The following TCF20 variants were observed in gnomAD, a reference collection of about 807,000 sequenced individuals.
TCF20 encodes the protein transcription factor 20.
A neutral mutation model predicts 148.6 loss-of-function variants in TCF20; 3 were observed. That is an observed-to-expected ratio of 0.02 (90% CI 0.01 to 0.05). The LOEUF is 0.05. Among genes scored for constraint, TCF20 ranks in the 10% least tolerant of loss-of-function variants. The pLI is 1.00. For synonymous variants in TCF20, 1,049 were observed against 909.5 expected (o/e 1.15, Z -2.76); for missense variants, 2,350 against 2,429.3 (o/e 0.97, Z 0.69).
intron 1 of TCF20, among the ~76,000 whole-genome samples, chr22:42,227,172 A>G (rs1197409696): frequency 4.6e-5 from 7 of 152,148 alleles, no homozygotes; most frequent in Non-Finnish European, 5.9e-5. Flanking sequence ...AATCCTAGCT[A>G]CTCGAGTGGC....
chr22:42,230,087 T>C (rs1437064255), intron 1 of TCF20, among the ~76,000 whole-genome samples: 1 of 152,320 alleles, frequency 6.6e-6, no homozygotes, highest in East Asian at 1.9e-4. Context: ...TCCCAATTAT[T>C]AGTACAGCAC....
At chr22:42,220,535 C>T (rs934086637) in intron 1 of TCF20, among the ~76,000 whole-genome samples, 2 of 152,116 alleles carry the variant, frequency 1.3e-5, no homozygotes, top group Non-Finnish European at 2.9e-5. Context: ...GCTTATTCTC[C>T]TTCTTTGCCT....
At chr22:42,215,590 C>A (rs181289070) in intron 1 of TCF20, 131 of 440,376 alleles carry the variant, frequency 3.0e-4, no homozygotes, top group Non-Finnish European at 2.9e-4. Context: ...CTTGCCTCAG[C>A]CTCCCGAGTA....
At chr22:42,189,433 G>A (rs73169116) in intron 2 of TCF20, among the ~76,000 whole-genome samples, 538 of 152,308 alleles carry the variant, frequency 3.5e-3, no homozygotes, top group Non-Finnish European at 5.6e-3. Context: ...GAATGTTTTG[G>A]ACTGAGAGCA....
chr22:42,187,775 T>C, intron 2 of TCF20, among the ~76,000 whole-genome samples: 1 of 152,246 alleles, frequency 6.6e-6, no homozygotes, highest in Non-Finnish European at 1.5e-5. Flanking sequence ...TGTCTTTCTG[T>C]ACTTCATCTA....
intron 1 of TCF20, among the ~76,000 whole-genome samples, chr22:42,241,240 T>A (rs1306963627): frequency 1.3e-5 from 2 of 152,134 alleles, no homozygotes; most frequent in Non-Finnish European, 2.9e-5. Flanking sequence ...CCTCTAATTA[T>A]TTCTATAAAC....
At position 42,213,587 on chromosome 22, in the gene TCF20, A is replaced by G. The variant is rs941403714; in HGVS notation, c.1719T>C (p.Ala573=). 1 of 1,613,984 alleles carries G rather than the reference A, an allele frequency of 6.2e-7. No homozygotes were observed. The highest frequency in any genetic ancestry group is 8.5e-7 in the Non-Finnish European group (1 of 1,180,040). Residue 573 remains alanine, a synonymous_variant, in exon 2 of 6, where the codon GCT becomes GCC. Transcript: ENST00000677622. ...TGGCCTCTTCTCTTGCGGCAGGACT[A>G]GCATTGAGTCTGGGGGGTTCATTCT... ...GAQNEPPRLN[A]SPAAREEATS...
At chr22:42,258,265 TC>T (rs138966451) in intron 1 of TCF20, among the ~76,000 whole-genome samples, 35 of 149,946 alleles carry the variant, frequency 2.3e-4, no homozygotes, top group Middle Eastern at 3.5e-3. Context: ...TCTCCATACC[TC>T]CCCCCCCTTC....
At chr22:42,298,628 A>G (rs1399394734) in intron 1 of TCF20, among the ~76,000 whole-genome samples, 1 of 152,156 alleles carries the variant, frequency 6.6e-6, no homozygotes, top group Non-Finnish European at 1.5e-5. Context: ...GGGAGGGGGC[A>G]GTGGGACAGG....
intron 1 of TCF20, among the ~76,000 whole-genome samples, chr22:42,224,974 A>G (rs1339724307): frequency 1.3e-5 from 2 of 149,170 alleles, no homozygotes; most frequent in Non-Finnish European, 3.0e-5. Flanking sequence ...TTCTATTTAC[A>G]TTAATTTTTG....
chr22:42,209,767 G>A lies in TCF20; in HGVS notation c.5539C>T (p.Leu1847Phe). 1 of 1,614,200 alleles carries A rather than the reference G, an allele frequency of 6.2e-7. No individual in the cohort carries two copies. The highest frequency in any genetic ancestry group is 8.5e-7 in the Non-Finnish European group (1 of 1,180,038). Residue 1847 changes from leucine (L) to phenylalanine (F), a missense_variant, in exon 2 of 6, where the codon CTT (leucine) becomes TTT (phenylalanine). Transcript: ENST00000677622. The stretch of plus-strand genomic sequence containing the variant: ...TGGACCCAAAATTCATTGCTGTCAA[G>A]AGGTAGTTCAGGGATTTGTAACTCC... ...ELELQIPELP[L>F]DSNEFWVHEG...
intron 1 of TCF20, among the ~76,000 whole-genome samples, chr22:42,289,354 A>G (rs985759441): frequency 1.8e-4 from 27 of 152,268 alleles, no homozygotes; most frequent in African/African-American, 6.3e-4. Flanking sequence ...TTGCCCAAAG[A>G]GCAGAGACAA....
intron 1 of TCF20, among the ~76,000 whole-genome samples, chr22:42,333,281 C>T (rs1440357786): frequency 6.6e-6 from 1 of 152,166 alleles, no homozygotes; most frequent in East Asian, 1.9e-4. Context: ...AGGTGCCTCA[C>T]TGTGCAGAGG....
At chr22:42,252,302 T>TA (rs781406966) in intron 1 of TCF20, among the ~76,000 whole-genome samples, 42 of 145,988 alleles carry the variant, frequency 2.9e-4, no homozygotes, top group Non-Finnish European at 6.0e-4. Context: ...AAGAAAAAAA[T>TA]AAAAAAAAGA....
chr22:42,179,374 G>GA (rs1936638051), intron 3 of TCF20, among the ~76,000 whole-genome samples: 1 of 150,188 alleles, frequency 6.7e-6, no homozygotes, highest in African/African-American at 2.5e-5. Flanking sequence ...GAGCTTAAAG[G>GA]GAAAAAAAAA....
rs1927156565 is a variant in TCF20 at position 42,292,793 on chromosome 22, C to T, written c.-37+50686G>A. Among the ~76,000 whole-genome samples, 2 of 151,628 alleles carry T rather than the reference C, an allele frequency of 1.3e-5. No homozygotes were observed. The highest frequency in any genetic ancestry group is 2.1e-4 in the South Asian group (1 of 4,798). Reference sequence around the variant, plus strand: ...GCCCCTCTGCGCCTCCAGGGCCGGCCGAGCACTAGCCCAGGCCCAGGAGAA... The same window carrying T: ...GCCCCTCTGCGCCTCCAGGGCCGGCTGAGCACTAGCCCAGGCCCAGGAGAA... On this transcript the variant is annotated intron_variant, in intron 1 of 1. Transcript: ENST00000515426. This position sits in a 1 kb window ranked among gnomAD's most constrained non-coding sequence, Gnocchi z 4.9.
At chr22:42,243,432 G>C (rs968966242) in intron 1 of TCF20, among the ~76,000 whole-genome samples, 2 of 150,832 alleles carry the variant, frequency 1.3e-5, no homozygotes, top group South Asian at 4.2e-4. Context: ...GTGAAACCCT[G>C]TCTCTACTAA....
chr22:42,314,506 C>T (rs972793845), intron 1 of TCF20, among the ~76,000 whole-genome samples: 4 of 152,214 alleles, frequency 2.6e-5, no homozygotes, highest in Admixed American at 2.0e-4. Context: ...TGTGGGCAGG[C>T]AGCCCACACC....
intron 1 of TCF20, among the ~76,000 whole-genome samples, chr22:42,298,147 G>A (rs995122993): frequency 6.6e-5 from 10 of 152,196 alleles, no homozygotes; most frequent in Admixed American, 6.5e-4. Flanking sequence ...CAGGGCCCTG[G>A]TGCTCCTATC....
Sources: gnomAD v4.1 joint callset for allele counts (sites outside exome capture counted in the v4.1 genomes callset) on GRCh38, gnomAD v4.1.1 for gene constraint, Gnocchi (gnomAD v3.1) non-coding constraint, MANE v1.5 for transcripts, NCBI Gene and HGNC (gene_info 2026-07-23, HGNC 2026-07-21) for gene names.